The following UBE2E2 variants were observed in gnomAD, a reference collection of about 807,000 sequenced individuals.
The protein encoded by UBE2E2 is ubiquitin-conjugating enzyme E2 E2.
A neutral mutation model predicts 24.7 loss-of-function variants in UBE2E2; 6 were observed. That is an observed-to-expected ratio of 0.24 (90% confidence interval 0.13 to 0.48). The LOEUF (loss-of-function observed/expected upper bound fraction) is 0.48. Among genes scored for constraint, UBE2E2 ranks in the 20% least tolerant of loss-of-function variants. The pLI, the probability that UBE2E2 is intolerant of heterozygous loss-of-function variation, is 0.99. For synonymous variants in UBE2E2, 104 were observed against 83.6 expected, an observed-to-expected ratio of 1.24 and a Z score of -1.33; for missense variants, 169 against 245.0, an observed-to-expected ratio of 0.69 and a Z score of 2.07.
At chr3:23,454,291 A>T (rs1282497338) in intron 3 of UBE2E2, among the ~76,000 whole-genome samples, 10 of 152,196 alleles carry the variant, frequency 6.6e-5, no homozygotes, top group African/African-American at 2.4e-4. Context: ...ACAGTAGAAA[A>T]TCTACTTGAA....
chr3:23,342,821 C>A (rs1452072040), intron 3 of UBE2E2, among the ~76,000 whole-genome samples: 2 of 152,014 alleles, frequency 1.3e-5, no homozygotes, highest in Admixed American at 6.6e-5. Flanking sequence ...CAAGAATAAA[C>A]TTTTATATTT....
At chr3:23,537,168 GT>G (rs1695285671) in intron 5 of UBE2E2, among the ~76,000 whole-genome samples, 1 of 152,202 alleles carries the variant, frequency 6.6e-6, no homozygotes, top group Admixed American at 6.5e-5. Context: ...CCTGGCTTGT[GT>G]ATTTCATTCC....
At chr3:23,282,161 T>C (rs1045399972) in intron 3 of UBE2E2, among the ~76,000 whole-genome samples, 1 of 152,218 alleles carries the variant, frequency 6.6e-6, no homozygotes, top group African/African-American at 2.4e-5. Context: ...TTCCTACATA[T>C]GGATGGCCAC....
In UBE2E2 at chr3:23,583,292, C is replaced by G. The variant is rs1022697695; in HGVS notation, c.509-6442C>G. 6.6e-6 allele frequency among the ~76,000 whole-genome samples: 1 copy of G among 152,110 alleles called. No homozygotes were observed. The highest frequency in any genetic ancestry group is 1.5e-5 in the Non-Finnish European group (1 of 68,020). ...TATTTTGTTCCACTAGTCTATGTGT[C>G]TGTTTTTGTACCAGTATCATGCTGT... On this transcript the variant is annotated intron_variant, in intron 5 of 5. Coordinates refer to ENST00000396703, the MANE Select transcript of UBE2E2 (RefSeq NM_152653.4). The surrounding 1 kb of genome is among the most constrained non-coding windows in gnomAD (Gnocchi z 4.1).
chr3:23,277,906 A>G (rs903931274), intron 3 of UBE2E2, among the ~76,000 whole-genome samples: 2 of 152,116 alleles, frequency 1.3e-5, no homozygotes, highest in Non-Finnish European at 1.5e-5. Context: ...AGCCATGACA[A>G]AAACAGTCTC....
At chr3:23,449,802 A>T in intron 3 of UBE2E2, 1 of 929,062 alleles carries the variant, frequency 1.1e-6, no homozygotes, top group Non-Finnish European at 1.3e-6. Flanking sequence ...TAATATCTCA[A>T]CGGGGAAAAG....
At chr3:23,563,808 A>G (rs1289364450) in intron 5 of UBE2E2, among the ~76,000 whole-genome samples, 2 of 152,114 alleles carry the variant, frequency 1.3e-5, no homozygotes, top group Non-Finnish European at 2.9e-5. Flanking sequence ...ATTTGCCCCA[A>G]GTAGTTAATG....
At chr3:23,419,583 T>G (rs1697744746) in intron 3 of UBE2E2, among the ~76,000 whole-genome samples, 1 of 152,186 alleles carries the variant, frequency 6.6e-6, no homozygotes, top group South Asian at 2.1e-4. Context: ...AATCTGTGCT[T>G]TTGTTATGCA....
At chr3:23,329,964 T>G (rs1053446951) in intron 3 of UBE2E2, among the ~76,000 whole-genome samples, 2 of 152,220 alleles carry the variant, frequency 1.3e-5, no homozygotes, top group Non-Finnish European at 2.9e-5. Context: ...CATTAAGTGG[T>G]AGTTTACAAC....
intron 5 of UBE2E2, among the ~76,000 whole-genome samples, chr3:23,563,421 T>G (rs1341300699): frequency 2.0e-5 from 3 of 152,230 alleles, no homozygotes. Flanking sequence ...TTGATTGCAC[T>G]GTGGTCTGAG....
chr3:23,530,744 G>A (rs1008385960), intron 4 of UBE2E2, among the ~76,000 whole-genome samples: 1 of 151,970 alleles, frequency 6.6e-6, no homozygotes, highest in Non-Finnish European at 1.5e-5. Flanking sequence ...TTGATATAAG[G>A]GCGCTCAATT....
At chr3:23,424,169 A>G (rs1254190232) in intron 3 of UBE2E2, among the ~76,000 whole-genome samples, 1 of 152,228 alleles carries the variant, frequency 6.6e-6, no homozygotes, top group African/African-American at 2.4e-5. Flanking sequence ...CCAATTGAAT[A>G]AGATATAAAT....
At chr3:23,304,837 T>C (rs539709402) in intron 3 of UBE2E2, among the ~76,000 whole-genome samples, 4 of 152,048 alleles carry the variant, frequency 2.6e-5, no homozygotes, top group Admixed American at 6.6e-5. Context: ...CATACATTTA[T>C]TCACTTATTC....
chr3:23,466,491 AT>A (rs1490711693), intron 3 of UBE2E2, among the ~76,000 whole-genome samples: 1 of 152,186 alleles, frequency 6.6e-6, no homozygotes, highest in East Asian at 1.9e-4. Flanking sequence ...CTTGCAGAAT[AT>A]TTTGTCCAGC....
chr3:23,224,445 T>G (rs910796812), intron 3 of UBE2E2, among the ~76,000 whole-genome samples: 1 of 152,032 alleles, frequency 6.6e-6, no homozygotes, highest in African/African-American at 2.4e-5. Context: ...CTTTCTTGAT[T>G]TTTTTCAGGT....
intron 3 of UBE2E2, among the ~76,000 whole-genome samples, chr3:23,457,400 C>T (rs1013653160): frequency 6.6e-6 from 1 of 151,302 alleles, no homozygotes; most frequent in Non-Finnish European, 1.5e-5. Flanking sequence ...ACCCAGGGAC[C>T]CTAAGCTACA....
chr3:23,304,185 G>A (rs1006079662), intron 3 of UBE2E2, among the ~76,000 whole-genome samples: 2 of 152,178 alleles, frequency 1.3e-5, no homozygotes, highest in African/African-American at 2.4e-5. Context: ...TTGACCGTGG[G>A]CAGGTCAAAG....
At chr3:23,429,612 G>A (rs1698007334) in intron 3 of UBE2E2, among the ~76,000 whole-genome samples, 1 of 152,168 alleles carries the variant, frequency 6.6e-6, no homozygotes. Context: ...ACTAGGAATA[G>A]AAGAGAACTT....
At chr3:23,555,167 T>G (rs892255077) in intron 5 of UBE2E2, among the ~76,000 whole-genome samples, 8 of 152,140 alleles carry the variant, frequency 5.3e-5, no homozygotes, top group Admixed American at 2.0e-4. Flanking sequence ...TCCACCCGCC[T>G]CGGCCTCAAA....
Sources: allele counts gnomAD v4.1 joint callset (sites outside exome capture counted in the v4.1 genomes callset), GRCh38; gene constraint gnomAD v4.1.1; non-coding constraint Gnocchi (gnomAD v3.1); transcripts MANE v1.5; gene names NCBI Gene and HGNC (gene_info 2026-07-23, HGNC 2026-07-21).